The following CEP135 variants were observed in gnomAD, a reference collection of about 807,000 sequenced individuals.
CEP135 encodes centrosomal protein 135.
A neutral mutation model predicts 157.3 loss-of-function variants in CEP135; 142 were observed. That is an observed-to-expected ratio of 0.90 (90% CI 0.79 to 1.04). The LOEUF (loss-of-function observed/expected upper bound fraction) is 1.04. Ranked by LOEUF, CEP135 falls within the 50% of genes least tolerant of loss-of-function variation. The pLI, the probability that CEP135 is intolerant of heterozygous loss-of-function variation, is 0.00. For missense variants in CEP135, 1,317 were observed against 1,309.2 expected, an observed-to-expected ratio of 1.01 and a Z score of -0.09; for synonymous variants, 396 against 439.8, an observed-to-expected ratio of 0.90 and a Z score of 1.25.
At chr4:56,013,246 ATTG>A (rs1274773698) in intron 21 of CEP135, among the ~76,000 whole-genome samples, 3 of 152,048 alleles carry the variant, frequency 2.0e-5, no homozygotes, top group East Asian at 1.9e-4. Flanking sequence ...ATTGTTTTAA[ATTG>A]TTGTTGTAGA....
chr4:55,951,169 A>G (rs557316059), intron 1 of CEP135, among the ~76,000 whole-genome samples: 10 of 152,298 alleles, frequency 6.6e-5, no homozygotes, highest in African/African-American at 2.4e-4. Flanking sequence ...ATGGGGGTTT[A>G]GGTTGTTTCC....
chr4:55,978,267 T>C (rs1356149988), intron 11 of CEP135, among the ~76,000 whole-genome samples: 1 of 152,194 alleles, frequency 6.6e-6, no homozygotes, highest in Non-Finnish European at 1.5e-5. Flanking sequence ...GTGGCCCTCA[T>C]GGAGCTTAAA....
chr4:56,025,191 G>C (rs1455021537), intron 25 of CEP135, among the ~76,000 whole-genome samples: 5 of 152,084 alleles, frequency 3.3e-5, no homozygotes, highest in Non-Finnish European at 7.4e-5. Flanking sequence ...ATCTTGCCTG[G>C]GCTGGCCTCA....
At chr4:55,954,161 A>G in intron 3 of CEP135, 55 bp from the exon 4 acceptor site, 1 of 1,462,734 alleles carries the variant, frequency 6.8e-7, no homozygotes, top group South Asian at 1.4e-5. Flanking sequence ...AAATGGAAAA[A>G]CTTCATTGGA....
intron 13 of CEP135, among the ~76,000 whole-genome samples, chr4:55,982,156 C>T (rs527464187): frequency 1.3e-5 from 2 of 152,276 alleles, no homozygotes; most frequent in South Asian, 4.1e-4. Context: ...ACCTGTGTCT[C>T]TATAGATCTT....
At chr4:55,999,161 A>G in intron 15 of CEP135, 141 bp from the exon 16 acceptor site, 2 of 639,946 alleles carry the variant, frequency 3.1e-6, no homozygotes, top group Non-Finnish European at 5.4e-6. Flanking sequence ...AATGCCATAG[A>G]TTATACTGGA....
At chr4:55,994,841 A>G (rs916419843) in intron 15 of CEP135, among the ~76,000 whole-genome samples, 3 of 151,826 alleles carry the variant, frequency 2.0e-5, no homozygotes, top group Non-Finnish European at 4.4e-5. Flanking sequence ...GCCTGCCACC[A>G]TGCCCGGATA....
At chr4:55,987,878 A>G (rs1335178708) in intron 14 of CEP135, among the ~76,000 whole-genome samples, 1 of 152,202 alleles carries the variant, frequency 6.6e-6, no homozygotes, top group Non-Finnish European at 1.5e-5. Context: ...AGAATGTGGG[A>G]GAGAGAGTAT....
Position 55,965,833 on chromosome 4 carries a change from G to A in CEP135, c.1018G>A (p.Ala340Thr). Reference protein sequence around the residue: ...ERHKEEVLETADKELGEAKKE... With the variant: ...ERHKEEVLETTDKELGEAKKE... ...ACATAAAGAAGAAGTGCTTGAGACT[G>A]CTGATAAAGAGCTTGGGGAAGCAAA... Residue 340 changes from alanine (A) to threonine (T), a missense_variant, in exon 8 of 26, where the codon GCT becomes ACT. By Grantham distance (58) the Ala-to-Thr change is moderately conservative (BLOSUM62 0). Coordinates refer to ENST00000257287, the MANE Select transcript of CEP135 (RefSeq NM_025009.5). 6.2e-7 allele frequency: 1 copy of A among 1,613,386 alleles called. No individual in the cohort carries two copies. The highest frequency in any genetic ancestry group is 8.5e-7 in the Non-Finnish European group (1 of 1,179,540).
At chr4:55,958,273 A>G (rs887420298) in intron 5 of CEP135, among the ~76,000 whole-genome samples, 1 of 152,136 alleles carries the variant, frequency 6.6e-6, no homozygotes, top group Non-Finnish European at 1.5e-5. Flanking sequence ...TTTCTCTACA[A>G]AAAATTTAAA....
At chr4:55,999,219 A>C (rs1251562880) in intron 15 of CEP135, 83 bp from the exon 16 acceptor site, 22 of 1,098,340 alleles carry the variant, frequency 2.0e-5, no homozygotes, top group Non-Finnish European at 2.8e-5. Flanking sequence ...AGACATCAAA[A>C]TATTTTTAAG....
In CEP135 at chr4:55,952,128, G is replaced by T. The variant is rs201026910; in HGVS notation, c.-3G>T. 1.3e-5 allele frequency: 20 copies of T among 1,534,782 alleles called. No homozygotes were observed. The South Asian group carries it at 2.2e-4, about 17-fold the overall frequency. ...GTGAATAAAACTTGTTTTAGAAGAC[G>T]AGATGACTACAGCTGTAGAGAGAAA... On this transcript the variant is annotated 5_prime_UTR_variant, in exon 2 of 26. Coordinates refer to ENST00000257287, the MANE Select transcript of CEP135 (RefSeq NM_025009.5).
chr4:55,987,164 A>C (rs1042134071), intron 14 of CEP135, among the ~76,000 whole-genome samples: 1 of 152,114 alleles, frequency 6.6e-6, no homozygotes, highest in Non-Finnish European at 1.5e-5. Context: ...CCTTTTGAGT[A>C]CGCTACCTGT....
chr4:55,959,646 A>G (rs776115990), intron 5 of CEP135, 36 bp from the exon 6 acceptor site: 1 of 1,537,206 alleles, frequency 6.5e-7, no homozygotes, highest in Non-Finnish European at 9.0e-7. Flanking sequence ...ATTTCTTAAC[A>G]AAAGTGTATT....
At chr4:55,981,967 C>T (rs1270018296) in intron 13 of CEP135, among the ~76,000 whole-genome samples, 1 of 152,150 alleles carries the variant, frequency 6.6e-6, no homozygotes, top group Non-Finnish European at 1.5e-5. Flanking sequence ...ACTGGGGTTA[C>T]CTCCTGATAA....
At position 55,949,067 on chromosome 4, in the gene CEP135, C is replaced by G. The variant is rs900977375; in HGVS notation, c.-46+8C>G. 2.6e-5 allele frequency: 4 copies of G among 153,528 alleles called. No individual in the cohort carries two copies. The highest frequency in any genetic ancestry group is 5.8e-5 in the Non-Finnish European group (4 of 69,138). The allele number at this position is 153,528 out of a possible 1,614,324, so 9.5% of individuals were successfully genotyped here. On this transcript the variant is annotated splice_region_variant and intron_variant, in intron 1 of 25. Transcript: ENST00000257287. ...CGGCGGCTGGAGCTGCCGGTGAGTC[C>G]GGATGTGGGAGCCAGAGGGCCAGCT... is the stretch of plus-strand genomic sequence containing the variant.
At chr4:55,956,914 G>A (rs940413161) in intron 4 of CEP135, among the ~76,000 whole-genome samples, 5 of 151,898 alleles carry the variant, frequency 3.3e-5, no homozygotes, top group African/African-American at 9.7e-5. Flanking sequence ...ATACCTGGCC[G>A]CATTCAGCTT....
rs969793387 is a variant in CEP135 at position 55,952,551 on chromosome 4, C to A, written c.113+308C>A. The A allele has an allele frequency of 2.4e-5, 5 of 209,274 alleles. No individual in the cohort carries two copies. The East Asian group carries it at 3.1e-4, about 13-fold the overall frequency. The allele number at this position is 209,274 out of a possible 1,614,324, so 13.0% of individuals were successfully genotyped here. A position where few individuals can be genotyped will look rare whatever the true frequency, so the allele number is the denominator to read the frequency against. On this transcript the variant is annotated intron_variant, in intron 2 of 25. Transcript: ENST00000257287. Reference sequence around the variant, plus strand: ...CCCTTAAGTTCTTTTTTTTTCCCCCCCTTAAGTTCTATGTCTGCTTCACTG... The same window carrying A: ...CCCTTAAGTTCTTTTTTTTTCCCCCACTTAAGTTCTATGTCTGCTTCACTG...
intron 22 of CEP135, among the ~76,000 whole-genome samples, chr4:56,018,777 C>T (rs556010490): frequency 6.6e-6 from 1 of 152,082 alleles, no homozygotes; most frequent in African/African-American, 2.4e-5. Context: ...AAAAGTAAGA[C>T]TTGAATGAAG....
Sources: allele counts gnomAD v4.1 joint callset (sites outside exome capture counted in the v4.1 genomes callset), GRCh38; gene constraint gnomAD v4.1.1; transcripts MANE v1.5; gene names NCBI Gene and HGNC (gene_info 2026-07-23, HGNC 2026-07-21).